KRT28: variants seen among roughly 807,000 people sequenced by gnomAD.
KRT28 encodes the protein keratin, type I cytoskeletal 28.
A neutral mutation model predicts 48.1 loss-of-function variants in KRT28; 45 were observed. The ratio of observed to expected loss-of-function variants is 0.94; its 90% CI spans 0.74 to 1.20. The LOEUF (loss-of-function observed/expected upper bound fraction) is 1.20, where lower values mean the gene tolerates loss of function less well. Ranked by LOEUF, KRT28 falls within the 50% of genes most tolerant of loss-of-function variation. KRT28 has a pLI of 0.00. For synonymous variants in KRT28, 228 were observed against 227.4 expected, an observed-to-expected ratio of 1.00 and a Z score of -0.03; for missense variants, 571 against 574.1, an observed-to-expected ratio of 0.99 and a Z score of 0.06.
At chr17:40,798,000 T>C (rs533517263) in intron 3 of KRT28, among the ~76,000 whole-genome samples, 35 of 152,296 alleles carry the variant, frequency 2.3e-4, no homozygotes, top group African/African-American at 8.2e-4. Context: ...CCGCTGTCAT[T>C]TATTGAGTGA....
In KRT28 at chr17:40,794,059, A is replaced by G. The variant is rs746059857; in HGVS notation, c.979-13T>C. The G allele has an allele frequency of 6.2e-7, 1 of 1,613,620 alleles. No individual in the cohort carries two copies. Among genetic ancestry groups the G allele is most frequent in the South Asian group, 1.1e-5 (1 of 91,070 alleles). ...CCAGGGAGTGTTTCTGAGGACATCA[A>G]AGAAGCCGTGGCAAGGGATGAAAAC... On this transcript the variant is annotated splice_polypyrimidine_tract_variant and intron_variant, in intron 5 of 7. Coordinates refer to ENST00000306658, the MANE Select transcript of KRT28 (RefSeq NM_181535.3).
In KRT28 at chr17:40,797,298, G is replaced by A. The variant is rs779021895; in HGVS notation, c.691-17C>T. The A allele has an allele frequency of 1.2e-5, 20 of 1,609,376 alleles. No homozygotes were observed. The highest frequency in any genetic ancestry group is 1.7e-4 in the Middle Eastern group (1 of 6,030). ...CTTCATCTCCTGGAGAGAAGCAAGA[G>A]TGTGGCTTTAGGGGCATTGCAGGTT... On this transcript the variant is annotated splice_polypyrimidine_tract_variant and intron_variant, in intron 3 of 7. Coordinates refer to ENST00000306658, the MANE Select transcript of KRT28 (RefSeq NM_181535.3).
chr17:40,795,220 G>A (rs1558283), intron 5 of KRT28, among the ~76,000 whole-genome samples: 2 of 152,048 alleles, frequency 1.3e-5, no homozygotes, highest in South Asian at 2.1e-4. Context: ...TCCAGGAGCA[G>A]GTAAGTGGAA....
chr17:40,798,822 T>C (rs531304717), intron 2 of KRT28, 95 bp downstream of exon 2: 7 of 764,252 alleles, frequency 9.2e-6, no homozygotes, highest in South Asian at 6.7e-5. Flanking sequence ...TTTTAGGTGA[T>C]AGTTCATTCT....
intron 6 of KRT28, 95 bp downstream of exon 6, chr17:40,793,734 A>G (rs1460019690): frequency 1.6e-6 from 2 of 1,246,358 alleles, no homozygotes; most frequent in East Asian, 2.3e-5. Flanking sequence ...GTGGGAATGA[A>G]AAAGAAAAGG....
intron 1 of KRT28, 95 bp from the exon 2 acceptor site, chr17:40,799,094 T>A (rs1257433687): frequency 2.5e-6 from 2 of 790,136 alleles, no homozygotes; most frequent in Non-Finnish European, 4.0e-6. Flanking sequence ...AGTTTTTGCA[T>A]AAAAATTTCA....
intron 5 of KRT28, among the ~76,000 whole-genome samples, chr17:40,795,058 C>T (rs1215988547): frequency 6.6e-6 from 1 of 152,048 alleles, no homozygotes; most frequent in African/African-American, 2.4e-5. Context: ...AAATCTATTA[C>T]CTAGTGACTT....
At chr17:40,795,236 TC>T (rs768992424) in intron 5 of KRT28, among the ~76,000 whole-genome samples, 23 of 152,036 alleles carry the variant, frequency 1.5e-4, no homozygotes, top group Non-Finnish European at 2.5e-4. Context: ...TGGAAGGAGA[TC>T]AGGATGGTAA....
chr17:40,799,300 A>G, intron 1 of KRT28, 144 bp downstream of exon 1: 1 of 731,166 alleles, frequency 1.4e-6, no homozygotes, highest in South Asian at 2.2e-5. Flanking sequence ...CAAAGGGCCC[A>G]TTTTTGAATA....
chr17:40,795,110 T>C (rs973723312), intron 5 of KRT28, among the ~76,000 whole-genome samples: 7 of 152,234 alleles, frequency 4.6e-5, no homozygotes, highest in Non-Finnish European at 8.8e-5. Context: ...ATATTTGTCT[T>C]AACGGGCAGA....
At chr17:40,796,770 C>T in intron 5 of KRT28, 146 bp downstream of exon 5, 2 of 1,056,002 alleles carry the variant, frequency 1.9e-6, no homozygotes, top group East Asian at 2.5e-5. Context: ...GTCTATGCAT[C>T]TGTTTTTTCC....
At position 40,793,193 on chromosome 17, in the gene KRT28, T is replaced by C; in HGVS notation, c.1214A>G (p.Lys405Arg). Residue 405 changes from lysine to arginine, a missense_variant, in exon 7 of 8, where the codon AAG becomes AGG. Physicochemically the swap from Lys to Arg is conservative, Grantham distance 26. Transcript: ENST00000306658. ...CCCAGGGCTTCCTGATCCAAAGCCC[T>C]TTGATTTGGAGCATGAACTGTAAAA... The part of the protein sequence containing the change: ...DGDGNSCSKS[K>R]GFGSGSPGNS... The C allele has an allele frequency of 6.4e-7, 1 of 1,565,600 alleles. No individual in the cohort carries two copies. The highest frequency in any genetic ancestry group is 8.7e-7 in the Non-Finnish European group (1 of 1,154,690).
chr17:40,793,110 A>T (rs1315450736), intron 7 of KRT28, 45 bp downstream of exon 7: 7 of 1,360,656 alleles, frequency 5.1e-6, no homozygotes, highest in African/African-American at 1.5e-5. Flanking sequence ...AAAAAAATTT[A>T]AAAAAAGAAA....
intron 7 of KRT28, 147 bp downstream of exon 7, chr17:40,793,008 G>A (rs1904527261): frequency 3.7e-6 from 2 of 534,470 alleles, no homozygotes; most frequent in Non-Finnish European, 6.6e-6. Context: ...GCTGGGGCAG[G>A]AGAATCACTT....
At chr17:40,797,951 T>C (rs1237207298) in intron 3 of KRT28, among the ~76,000 whole-genome samples, 1 of 152,200 alleles carries the variant, frequency 6.6e-6, no homozygotes. Context: ...GAAAAAATCC[T>C]GAAATCCTGG....
chr17:40,795,994 G>C (rs1904604514), intron 5 of KRT28, among the ~76,000 whole-genome samples: 1 of 152,186 alleles, frequency 6.6e-6, no homozygotes, highest in South Asian at 2.1e-4. Flanking sequence ...TTAGGGGCCA[G>C]TCAGTGTAAA....
At chr17:40,795,272 C>A (rs1904586563) in intron 5 of KRT28, among the ~76,000 whole-genome samples, 1 of 152,146 alleles carries the variant, frequency 6.6e-6, no homozygotes, top group South Asian at 2.1e-4. Flanking sequence ...CAACAGGTAG[C>A]AAGACGCCAG....
At chr17:40,796,029 T>A in intron 5 of KRT28, among the ~76,000 whole-genome samples, 1 of 152,138 alleles carries the variant, frequency 6.6e-6, no homozygotes, top group East Asian at 1.9e-4. Context: ...CTAAATCCGA[T>A]ATAGGGAGAA....
chr17:40,798,562 G>A lies in KRT28; in HGVS notation c.534-171C>T, dbSNP rs771501848. On this transcript the variant is annotated intron_variant, in intron 2 of 7. Coordinates refer to ENST00000306658, the MANE Select transcript of KRT28 (RefSeq NM_181535.3). ...ATTACCCCCACTCAATTCTGTACAGGATAATTGGAAGTTATTTCATCACAC... is the reference window on the plus strand; with the variant it reads ...ATTACCCCCACTCAATTCTGTACAGAATAATTGGAAGTTATTTCATCACAC... Among the ~76,000 whole-genome samples the A allele has an allele frequency of 1.5e-4, 23 of 152,274 alleles. No homozygotes were observed. In the Middle Eastern group the frequency reaches 0.014, roughly 90 times the overall value.
Sources: gnomAD v4.1 joint callset for allele counts (sites outside exome capture counted in the v4.1 genomes callset) on GRCh38, gnomAD v4.1.1 for gene constraint, MANE v1.5 for transcripts, NCBI Gene and HGNC (gene_info 2026-07-23, HGNC 2026-07-21) for gene names.